LARGE1: variants seen among roughly 807,000 people sequenced by gnomAD.
LARGE1 encodes LARGE xylosyl- and glucuronyltransferase 1, also known as xylosyl- and glucuronyltransferase LARGE1.
In LARGE1, 43 loss-of-function variants were observed where a neutral mutation model predicts 87.6. The observed-to-expected ratio is 0.49, with a 90% confidence interval of 0.38 to 0.63. LARGE1 has a LOEUF of 0.63. Among genes scored for constraint, LARGE1 ranks in the 30% least tolerant of loss-of-function variants. LARGE1 has a pLI of 0.00. For synonymous variants in LARGE1, 434 were observed against 394.6 expected (o/e 1.10, Z -1.18); for missense variants, 802 against 1,000.2 (o/e 0.80, Z 2.67).
At position 33,199,834 on chromosome 22, in the gene LARGE1, G is replaced by T. The variant is rs377016521; in HGVS notation, c.1731-33002C>A. Among the ~76,000 whole-genome samples, 12 of 143,038 alleles carry T rather than the reference G, an allele frequency of 8.4e-5. No individual in the cohort carries two copies. The South Asian group carries it at 2.8e-3, about 33-fold the overall frequency. The allele number at this position is 143,038 out of a possible 152,430, so 93.8% of individuals were successfully genotyped here. A position where few individuals can be genotyped will look rare whatever the true frequency, so the allele number is the denominator to read the frequency against. ...TCAGTCCATAGTACGTGCCTGGTAC[G>T]TGCAGACACTTTTTTTTTTTTTTCT... On this transcript the variant is annotated intron_variant, in intron 11 of 11. Transcript: ENST00000608642.
intron 1 of LARGE1, among the ~76,000 whole-genome samples, chr22:33,812,583 C>A (rs5999111): frequency 6.1e-4 from 93 of 152,106 alleles, no homozygotes; most frequent in Non-Finnish European, 9.3e-4. Flanking sequence ...ATCTTTGATC[C>A]GCCGGGTTGA....
At chr22:33,149,454 T>C in the LARGE1 span, among the ~76,000 whole-genome samples, 1 of 152,226 alleles carries the variant, frequency 6.6e-6, no homozygotes, top group Admixed American at 6.5e-5. Flanking sequence ...CAAGAACTCT[T>C]GCCTAAACCT....
intron 1 of LARGE1, among the ~76,000 whole-genome samples, chr22:33,905,238 T>A (rs2065411480): frequency 6.6e-6 from 1 of 151,844 alleles, no homozygotes. Context: ...TGATTTTTTT[T>A]AACTGTTTTT....
rs139761195 is a variant in LARGE1 at position 33,710,881 on chromosome 22, T to C, written c.106+50490A>G. 2.0e-3 allele frequency among the ~76,000 whole-genome samples: 300 copies of C among 152,334 alleles called. 1 individual carries two copies. The highest frequency in any genetic ancestry group is 6.8e-3 in the African/African-American group (281 of 41,572). On this transcript the variant is annotated intron_variant, in intron 2 of 14. Transcript: ENST00000397394. ...ATTAGAGTACACGATAAATGCTGTA[T>C]GATGTTTTTTCTCAAAAGACCAGTT...
At chr22:33,091,352 G>A in the LARGE1 span, among the ~76,000 whole-genome samples, 1 of 152,098 alleles carries the variant, frequency 6.6e-6, no homozygotes, top group African/African-American at 2.4e-5. Flanking sequence ...CTTGAGGTCA[G>A]GAGTTCAAGA....
At position 33,386,179 on chromosome 22, in the gene LARGE1, C is replaced by T. The variant is rs142872366; in HGVS notation, c.893-1875G>A. The stretch of plus-strand genomic sequence containing the variant: ...ACATCACGTATCATTTCCCCTAATG[C>T]TCCCTGAGATCTCTACAAGATAGAT... On this transcript the variant is annotated intron_variant, in intron 7 of 14. Coordinates refer to ENST00000397394, the MANE Select transcript of LARGE1 (RefSeq NM_133642.5). Among the ~76,000 whole-genome samples the T allele has an allele frequency of 1.4e-3, 208 of 148,994 alleles. 14 individuals are homozygous for T. The highest frequency in any genetic ancestry group is 5.0e-3 in the African/African-American group (204 of 41,080).
chr22:33,465,082 G>T (rs1226633278), intron 6 of LARGE1, among the ~76,000 whole-genome samples: 1 of 152,148 alleles, frequency 6.6e-6, no homozygotes, highest in Non-Finnish European at 1.5e-5. Flanking sequence ...TATGACAAAA[G>T]AATAGATCAA....
chr22:33,815,775 C>T (rs1389807146), intron 1 of LARGE1, among the ~76,000 whole-genome samples: 3 of 152,202 alleles, frequency 2.0e-5, no homozygotes, highest in African/African-American at 4.8e-5. Context: ...TATGTATTCA[C>T]ATCCATGCAG....
rs186485708 is a variant in LARGE1 at position 33,899,829 on chromosome 22, T to A, written c.-83+20166A>T. 1.3e-3 allele frequency among the ~76,000 whole-genome samples: 203 copies of A among 152,368 alleles called. No individual in the cohort carries two copies. The Middle Eastern group carries it at 0.017, about 13-fold the overall frequency. On this transcript the variant is annotated intron_variant, in intron 1 of 14. Transcript: ENST00000397394. ...AAGAAGTGAGACTTCTGCAGTGCTT[T>A]GGGCATCTCAAAGAATACATCCAGA...
chr22:33,246,381 C>A (rs982733997), intron 11 of LARGE1, among the ~76,000 whole-genome samples: 14 of 152,154 alleles, frequency 9.2e-5, no homozygotes, highest in African/African-American at 3.1e-4. Flanking sequence ...CGCGGTGGCT[C>A]ACCCCTTTAA....
chr22:33,384,377 A>T, intron 7 of LARGE1, 73 bp from the exon 8 acceptor site: 1 of 1,045,332 alleles, frequency 9.6e-7, no homozygotes, highest in Non-Finnish European at 1.5e-6. Context: ...ACCTACTCAC[A>T]TCACAGCCAC....
chr22:33,309,359 A>G (rs1323571755), intron 11 of LARGE1, among the ~76,000 whole-genome samples: 1 of 151,968 alleles, frequency 6.6e-6, no homozygotes, highest in Non-Finnish European at 1.5e-5. Flanking sequence ...TAGAGATGGG[A>G]TTTCGCCATG....
In LARGE1 at chr22:33,577,092, G is replaced by GA. The variant is rs1276717620; in HGVS notation, c.616-12074dup. ...ATCACTCTGCTATTAAACGCAAGTG[G>GA]AAAAAAAGATTTTGTTTCTGTTACC... On this transcript the variant is annotated intron_variant, in intron 5 of 14. Coordinates refer to ENST00000397394, the MANE Select transcript of LARGE1 (RefSeq NM_133642.5). Among the ~76,000 whole-genome samples the GA allele has an allele frequency of 5.3e-5, 8 of 151,920 alleles. No homozygotes were observed. The East Asian group carries it at 1.4e-3, about 26-fold the overall frequency.
chr22:33,901,615 G>A (rs984674593), intron 1 of LARGE1, among the ~76,000 whole-genome samples: 1 of 152,172 alleles, frequency 6.6e-6, no homozygotes, highest in African/African-American at 2.4e-5. Context: ...AGGCTGCAGT[G>A]AGCTAGGATC....
chr22:33,360,789 G>T (rs2064360073), intron 9 of LARGE1, among the ~76,000 whole-genome samples: 1 of 149,668 alleles, frequency 6.7e-6, no homozygotes, highest in South Asian at 2.2e-4. Context: ...TTCCTGCCCA[G>T]CCCACCGCCA....
rs762995001 is a variant in LARGE1, at chr22:33,761,524, G to C, written c.-48C>G. The C allele has an allele frequency of 6.9e-7, 1 of 1,453,540 alleles. No homozygotes were observed. The highest frequency in any genetic ancestry group is 1.1e-5 in the South Asian group (1 of 87,776). The allele number at this position is 1,453,540 out of a possible 1,614,324, so 90.0% of individuals were successfully genotyped here. On this transcript the variant is annotated 5_prime_UTR_variant, in exon 2 of 15. Transcript: ENST00000397394. ...AATCCCAGCGCCGTTTCTCTGTCCGGAGCATGAAGTCCTCGGCCTCCCTCA... is the reference window on the plus strand; with the variant it reads ...AATCCCAGCGCCGTTTCTCTGTCCGCAGCATGAAGTCCTCGGCCTCCCTCA...
At chr22:33,767,749 GA>G (rs967590263) in intron 1 of LARGE1, among the ~76,000 whole-genome samples, 11 of 151,958 alleles carry the variant, frequency 7.2e-5, no homozygotes, top group South Asian at 4.1e-4. Flanking sequence ...AAAAATCTAA[GA>G]AAAAAATATA....
At chr22:33,168,692 A>G (rs1330498971) in intron 11 of LARGE1, among the ~76,000 whole-genome samples, 3 of 152,244 alleles carry the variant, frequency 2.0e-5, no homozygotes, top group Admixed American at 1.3e-4. Flanking sequence ...AACTATTTAC[A>G]TAACATTCCA....
the LARGE1 span, among the ~76,000 whole-genome samples, chr22:33,122,219 A>G: frequency 6.6e-6 from 1 of 152,138 alleles, no homozygotes; most frequent in African/African-American, 2.4e-5. Context: ...TGATTTCTGC[A>G]TTCAAGATCT....
Sources: allele counts gnomAD v4.1 joint callset (sites outside exome capture counted in the v4.1 genomes callset), GRCh38; gene constraint gnomAD v4.1.1; transcripts MANE v1.5; gene names NCBI Gene and HGNC (gene_info 2026-07-23, HGNC 2026-07-21).